Variants in ZNF331 observed in about 807,000 individuals in gnomAD.
ZNF331 encodes zinc finger protein 331.
A neutral mutation model predicts 7.0 loss-of-function variants in ZNF331; 2 were observed. That is an observed-to-expected ratio of 0.29 (90% confidence interval 0.12 to 0.90). ZNF331 has a LOEUF of 0.90. ZNF331 is among the 40% of genes least tolerant of loss of function. The probability of loss-of-function intolerance (pLI) is 0.58; values close to 1 mark genes in which losing one functional copy is unlikely to be tolerated. For synonymous variants in ZNF331, 196 were observed against 205.4 expected, an observed-to-expected ratio of 0.95 and a Z score of 0.39; for missense variants, 432 against 587.7, an observed-to-expected ratio of 0.74 and a Z score of 2.74.
chr19:53,533,927 G>A (rs1267160150), upstream of ZNF331, among the ~76,000 whole-genome samples: 2 of 152,126 alleles, frequency 1.3e-5, no homozygotes, highest in Admixed American at 6.5e-5. Context: ...ATTACATAAA[G>A]TAGATTAACA....
chr19:53,518,327 ACGACTGCACAG>A (rs1202997339), upstream of ZNF331, among the ~76,000 whole-genome samples: 1 of 152,072 alleles, frequency 6.6e-6, no homozygotes, highest in Non-Finnish European at 1.5e-5. Context: ...CCACAGGCTG[ACGACTGCACAG>A]TTGGCTTCCT....
chr19:53,511,974 T>G, the ZNF331 span: 1 of 152,234 alleles, frequency 6.6e-6, no homozygotes, highest in Non-Finnish European at 1.5e-5. Flanking sequence ...TTCTAGCATG[T>G]ATTAACACCG....
At chr19:53,540,843 G>C (rs2088111404) in intron 2 of ZNF331, among the ~76,000 whole-genome samples, 1 of 152,144 alleles carries the variant, frequency 6.6e-6, no homozygotes, top group Non-Finnish European at 1.5e-5. Context: ...GACAGGCCAA[G>C]TCCCTTTTCC....
chr19:53,506,484 CTG>C, the ZNF331 span, among the ~76,000 whole-genome samples: 613 of 132,742 alleles, frequency 4.6e-3, 2 homozygotes, highest in Non-Finnish European at 7.9e-3. Flanking sequence ...CTCTCTCTGT[CTG>C]TCTCTCTCTC....
intron 2 of ZNF331, among the ~76,000 whole-genome samples, chr19:53,527,259 T>C (rs2087340543): frequency 6.6e-6 from 1 of 152,178 alleles, no homozygotes; most frequent in African/African-American, 2.4e-5. Flanking sequence ...ATCAGAGTTA[T>C]GAAGGTGCTG....
chr19:53,536,853 A>G (rs1440024121), upstream of ZNF331, among the ~76,000 whole-genome samples: 1 of 152,212 alleles, frequency 6.6e-6, no homozygotes, highest in African/African-American at 2.4e-5. Flanking sequence ...CAGTGAGCCG[A>G]GATCGCACCA....
the ZNF331 span, among the ~76,000 whole-genome samples, chr19:53,506,375 T>C: frequency 2.2e-5 from 3 of 134,178 alleles, no homozygotes; most frequent in Non-Finnish European, 4.7e-5. Context: ...ACCTCCCCCA[T>C]TGTCCTGGCC....
intron 5 of ZNF331, among the ~76,000 whole-genome samples, chr19:53,575,830 C>G (rs951904814): frequency 6.7e-6 from 1 of 149,494 alleles, no homozygotes; most frequent in African/African-American, 2.5e-5. Flanking sequence ...ATTACAGGCA[C>G]CCACCACCAT....
chr19:53,548,608 C>G (rs2147393361), intron 2 of ZNF331, among the ~76,000 whole-genome samples: 1 of 152,230 alleles, frequency 6.6e-6, no homozygotes, highest in South Asian at 2.1e-4. Context: ...ATAGTCTCTC[C>G]CAATCCATAG....
Position 53,560,487 on chromosome 19 carries a change from A to G in ZNF331, c.-74+4579A>G, listed in dbSNP as rs1459101272. 6.6e-6 allele frequency among the ~76,000 whole-genome samples: 1 copy of G among 152,190 alleles called. No individual in the cohort carries two copies. Among genetic ancestry groups the G allele is most frequent in the Non-Finnish European group, 1.5e-5 (1 of 68,034 alleles). On this transcript the variant is annotated intron_variant, in intron 3 of 5. Transcript: ENST00000449416. The surrounding 1 kb of genome is among the most constrained non-coding windows in gnomAD (Gnocchi z 4.3). The stretch of plus-strand genomic sequence containing the variant: ...CAGGAAGGTTATGCCTGATTCAGTG[A>G]CACTACTTTTTCAATATTAGGCCTT...
At chr19:53,524,282 T>G (rs6509783) in intron 2 of ZNF331, among the ~76,000 whole-genome samples, 2 of 151,972 alleles carry the variant, frequency 1.3e-5, no homozygotes, top group African/African-American at 4.8e-5. Context: ...TATACCCAGT[T>G]ATGGGATTGC....
At chr19:53,515,730 C>T (rs927103683), upstream of ZNF331, among the ~76,000 whole-genome samples, 16 of 152,188 alleles carry the variant, frequency 1.1e-4, no homozygotes, top group African/African-American at 3.9e-4. Flanking sequence ...CTCCCGACCT[C>T]AGGTGATCCG....
At chr19:53,504,710 A>G in the ZNF331 span, among the ~76,000 whole-genome samples, 7 of 152,252 alleles carry the variant, frequency 4.6e-5, no homozygotes, top group African/African-American at 1.7e-4. Context: ...GTCAACATCC[A>G]TAAACTGACA....
the ZNF331 span, among the ~76,000 whole-genome samples, chr19:53,513,518 T>G: frequency 3.9e-5 from 6 of 152,322 alleles, no homozygotes; most frequent in Middle Eastern, 3.4e-3. Flanking sequence ...TTTTTTTTCC[T>G]CCGCATCCTC....
At chr19:53,565,222 C>T (rs2090095104) in intron 3 of ZNF331, among the ~76,000 whole-genome samples, 1 of 152,202 alleles carries the variant, frequency 6.6e-6, no homozygotes, top group Non-Finnish European at 1.5e-5. Context: ...GTCACACACT[C>T]AGAGAGGTGC....
chr19:53,533,596 C>G (rs1324199992), upstream of ZNF331, among the ~76,000 whole-genome samples: 3 of 152,140 alleles, frequency 2.0e-5, no homozygotes, highest in African/African-American at 7.2e-5. Flanking sequence ...TTGAAGTCCC[C>G]TTCAATTATT....
chr19:53,523,816 C>T (rs2087185268), intron 2 of ZNF331, among the ~76,000 whole-genome samples: 1 of 151,842 alleles, frequency 6.6e-6, no homozygotes, highest in Non-Finnish European at 1.5e-5. Context: ...GCACAATATG[C>T]AGGTTTAATC....
intron 2 of ZNF331, among the ~76,000 whole-genome samples, chr19:53,530,674 A>G (rs1248393418): frequency 6.6e-6 from 1 of 152,170 alleles, no homozygotes; most frequent in Non-Finnish European, 1.5e-5. Context: ...AACTGTCGGT[A>G]TGTACAGGGC....
chr19:53,531,845 G>T (rs1157386988), intron 2 of ZNF331, among the ~76,000 whole-genome samples: 2 of 152,204 alleles, frequency 1.3e-5, no homozygotes, highest in Non-Finnish European at 2.9e-5. Context: ...CTAGGACAGA[G>T]TTGGCAAATT....
Sources: allele counts gnomAD v4.1 joint callset (sites outside exome capture counted in the v4.1 genomes callset), GRCh38; gene constraint gnomAD v4.1.1; non-coding constraint Gnocchi (gnomAD v3.1); transcripts MANE v1.5; gene names NCBI Gene and HGNC (gene_info 2026-07-23, HGNC 2026-07-21).